The following CC2D2A variants were observed in gnomAD, a reference collection of about 807,000 sequenced individuals.
CC2D2A encodes the protein coiled-coil and C2 domain-containing protein 2A.
A neutral mutation model predicts 212.9 loss-of-function variants in CC2D2A; 155 were observed. The ratio of observed to expected loss-of-function variants is 0.73; its 90% CI spans 0.64 to 0.83. The LOEUF is 0.83. Ranked by LOEUF, CC2D2A falls within the 40% of genes least tolerant of loss-of-function variation. The pLI is 0.00. For missense variants in CC2D2A, 1,856 were observed against 1,956.2 expected (o/e 0.95, Z 0.97); for synonymous variants, 667 against 686.5 (o/e 0.97, Z 0.44).
At chr4:15,478,883 A>C in intron 3 of CC2D2A, 77 bp downstream of exon 3, 1 of 1,202,110 alleles carries the variant, frequency 8.3e-7, no homozygotes, top group Non-Finnish European at 1.2e-6. Context: ...GCCATACAGA[A>C]TCCACAAGGG....
intron 18 of CC2D2A, among the ~76,000 whole-genome samples, chr4:15,551,646 G>C (rs1719014566): frequency 6.6e-6 from 1 of 151,994 alleles, no homozygotes; most frequent in African/African-American, 2.4e-5. Context: ...AATCAGTGTG[G>C]TCAGTTCTGA....
chr4:15,503,568 C>G (rs1182667875), intron 6 of CC2D2A, among the ~76,000 whole-genome samples: 1 of 152,140 alleles, frequency 6.6e-6, no homozygotes, highest in Non-Finnish European at 1.5e-5. Context: ...ATTGCTGGAT[C>G]CATGGATCTT....
intron 2 of CC2D2A, 39 bp from the exon 3 acceptor site, chr4:15,478,684 C>G (rs1213603494): frequency 2.0e-5 from 30 of 1,466,268 alleles, no homozygotes; most frequent in Non-Finnish European, 2.7e-5. Context: ...TACCTCTCTT[C>G]CTGTCTTAAG....
At chr4:15,530,902 G>T (rs534887989) in intron 13 of CC2D2A, among the ~76,000 whole-genome samples, 43 of 151,776 alleles carry the variant, frequency 2.8e-4, no homozygotes, top group Admixed American at 5.3e-4. Flanking sequence ...TTTCCATAGC[G>T]GCATCATGAC....
At chr4:15,537,191 CCT>C in intron 15 of CC2D2A, 115 bp downstream of exon 15, 1 of 815,566 alleles carries the variant, frequency 1.2e-6, no homozygotes, top group Middle Eastern at 3.2e-4. Context: ...CCTGTGGCTC[CCT>C]CTGTCTCTTC....
Position 15,478,530 on chromosome 4 carries a change from G to A in CC2D2A, c.40-193G>A, listed in dbSNP as rs191780838. ...GTGTATGATGGTCCAATATGGATAC[G>A]ACTTTTCGAAAACATGTCTATGTTG... On this transcript the variant is annotated intron_variant, in intron 2 of 36. Coordinates refer to ENST00000424120, the MANE Select transcript of CC2D2A (RefSeq NM_001378615.1). Among the ~76,000 whole-genome samples, 21 of 152,314 alleles carry A rather than the reference G, an allele frequency of 1.4e-4. No individual in the cohort carries two copies. The South Asian group carries it at 3.5e-3, about 26-fold the overall frequency.
intron 29 of CC2D2A, 108 bp downstream of exon 29, chr4:15,574,434 A>C: frequency 2.7e-6 from 2 of 751,184 alleles, no homozygotes; most frequent in Non-Finnish European, 4.1e-6. Context: ...AGCCTTCCTT[A>C]CTTCAATCTC....
At chr4:15,595,659 C>T (rs920550249) in intron 33 of CC2D2A, among the ~76,000 whole-genome samples, 3 of 152,196 alleles carry the variant, frequency 2.0e-5, no homozygotes, top group African/African-American at 2.4e-5. Flanking sequence ...CAACATGCTA[C>T]GCTGCCTCAC....
chr4:15,570,216 A>G (rs1290967176), intron 27 of CC2D2A, among the ~76,000 whole-genome samples, 182 bp from the exon 28 acceptor site: 1 of 152,232 alleles, frequency 6.6e-6, no homozygotes, highest in African/African-American at 2.4e-5. Context: ...TGAGGTTCAG[A>G]GAGGTCAAAT....
chr4:15,583,295 T>C (rs776534422), intron 30 of CC2D2A, among the ~76,000 whole-genome samples: 1 of 152,204 alleles, frequency 6.6e-6, no homozygotes, highest in Non-Finnish European at 1.5e-5. Context: ...GATGCCCACT[T>C]TCTCCAACTC....
intron 17 of CC2D2A, among the ~76,000 whole-genome samples, chr4:15,544,718 C>G (rs1718622926): frequency 1.3e-5 from 2 of 152,176 alleles, no homozygotes; most frequent in South Asian, 4.1e-4. Context: ...CACAGCACAC[C>G]AGTATTTTAT....
chr4:15,537,743 CAG>C (rs1718209492), intron 15 of CC2D2A, among the ~76,000 whole-genome samples, 154 bp from the exon 16 acceptor site: 2 of 152,068 alleles, frequency 1.3e-5, no homozygotes, highest in Non-Finnish European at 1.5e-5. Flanking sequence ...AACTGAGGCA[CAG>C]AGAGGTCAGG....
Position 15,563,431 on chromosome 4 carries a change from G to A in CC2D2A, c.3091G>A (p.Val1031Met). The A allele has an allele frequency of 1.2e-6, 2 of 1,610,998 alleles. No individual in the cohort carries two copies. The highest frequency in any genetic ancestry group is 2.2e-5 in the East Asian group (1 of 44,740). Residue 1031 changes from valine to methionine, a missense_variant, in exon 24 of 37, where the codon GTG becomes ATG. Around this residue, in one of 5 missense-constraint regions of CC2D2A, gnomAD observed 1,512 missense variants for 1,579.3 expected, o/e 0.96. Coordinates refer to ENST00000424120, the MANE Select transcript of CC2D2A (RefSeq NM_001378615.1). ...LRPRRKGRKK[V>M]TAQNLSDGDI... is the part of the protein sequence containing the mutation. ...GCCAAGGAGAAAAGGTCGGAAGAAG[G>A]TGACAGCCCAAAACCTGTCTGATGG... is the stretch of plus-strand genomic sequence containing the variant.
chr4:15,530,182 A>G (rs1030971253), intron 13 of CC2D2A, among the ~76,000 whole-genome samples: 4 of 152,128 alleles, frequency 2.6e-5, no homozygotes, highest in Non-Finnish European at 5.9e-5. Context: ...CGCGTTAGCC[A>G]AGATGGTCTA....
chr4:15,503,229 G>T (rs556505340), intron 6 of CC2D2A, among the ~76,000 whole-genome samples: 1 of 152,250 alleles, frequency 6.6e-6, no homozygotes, highest in South Asian at 2.1e-4. Context: ...CTTAGGCCCA[G>T]GAGTTCAAAG....
At position 15,596,407 on chromosome 4, in the gene CC2D2A, G is replaced by A. The variant is rs185571560; in HGVS notation, c.4437+200G>A. Among the ~76,000 whole-genome samples the A allele has an allele frequency of 2.0e-4, 30 of 146,780 alleles. No homozygotes were observed. In the South Asian group the frequency reaches 2.6e-3, roughly 13 times the overall value. ...ACCAGTATACACATCTTACACACAT[G>A]TGGAAGAAAAAGTTTTGATATAAAG... On this transcript the variant is annotated intron_variant, in intron 34 of 36. Coordinates refer to ENST00000424120, the MANE Select transcript of CC2D2A (RefSeq NM_001378615.1).
At position 15,475,979 on chromosome 4, in the gene CC2D2A, G is replaced by A. The variant is rs768894327; in HGVS notation, c.39+8G>A. 2.3e-5 allele frequency: 36 copies of A among 1,587,194 alleles called. No homozygotes were observed. The highest frequency in any genetic ancestry group is 1.7e-6 in the Non-Finnish European group (2 of 1,165,906). On this transcript the variant is annotated splice_region_variant and intron_variant, in intron 2 of 36. Transcript: ENST00000424120. ...GTAAAAATAATTACAGAGGTAAGTG[G>A]CCACTTTGATGTCCTCTAGGGATGT...
chr4:15,516,703 G>C lies in CC2D2A; in HGVS notation c.1096G>C (p.Val366Leu), dbSNP rs1716895298. 6.2e-7 allele frequency: 1 copy of C among 1,613,518 alleles called. No homozygotes were observed. The highest frequency in any genetic ancestry group is 1.7e-5 in the Admixed American group (1 of 59,962). The change falls in exon 11 of 37, where the codon GTA (valine) becomes CTA (leucine). Residue 366 changes from valine (V) to leucine (L), a missense_variant. Around this residue, in one of 5 missense-constraint regions of CC2D2A, gnomAD observed 1,512 missense variants for 1,579.3 expected, o/e 0.96. Transcript: ENST00000424120. ...CAAGCCATTTCCTTCAAGGCCGCCA[G>C]TACTAACACAGGAGCAGAGCATTAA... ...PIKPFPSRPP[V>L]LTQEQSIKAE...
intron 2 of CC2D2A, among the ~76,000 whole-genome samples, chr4:15,477,352 T>A (rs1210314745): frequency 2.6e-5 from 4 of 151,176 alleles, no homozygotes; most frequent in Non-Finnish European, 5.9e-5. Flanking sequence ...CAAACCCACA[T>A]AAATTTATAT....
Sources: gnomAD v4.1 joint callset for allele counts (sites outside exome capture counted in the v4.1 genomes callset) on GRCh38, gnomAD v4.1.1 for gene constraint, gnomAD v4.1.1 regional missense constraint, MANE v1.5 for transcripts, NCBI Gene and HGNC (gene_info 2026-07-23, HGNC 2026-07-21) for gene names.